RBM47: variants seen among roughly 807,000 people sequenced by gnomAD.
RBM47 encodes RNA binding motif protein 47.
RBM47 carries 21 observed loss-of-function variants against 47.1 expected under a neutral mutation model. The observed-to-expected ratio is 0.45, with a 90% CI of 0.32 to 0.64. The LOEUF is 0.64. Ranked by LOEUF, RBM47 falls within the 30% of genes least tolerant of loss-of-function variation. The pLI is 0.05. For synonymous variants in RBM47, 375 were observed against 361.7 expected (o/e 1.04, Z -0.42); for missense variants, 708 against 870.9 (o/e 0.81, Z 2.35).
intron 1 of RBM47, among the ~76,000 whole-genome samples, chr4:40,616,961 C>T (rs1477836256): frequency 6.7e-6 from 1 of 149,764 alleles, no homozygotes; most frequent in African/African-American, 2.5e-5. Context: ...CTGCAACCTC[C>T]GCCTCCCAGA....
At chr4:40,521,259 G>T (rs1726162379) in intron 2 of RBM47, among the ~76,000 whole-genome samples, 1 of 152,138 alleles carries the variant, frequency 6.6e-6, no homozygotes, top group Admixed American at 6.6e-5. Context: ...GGAGTGCAGT[G>T]GCACAATCTA....
intron 2 of RBM47, among the ~76,000 whole-genome samples, chr4:40,488,496 CTCATATCATCA>C (rs1721431641): frequency 6.6e-6 from 1 of 152,132 alleles, no homozygotes; most frequent in Non-Finnish European, 1.5e-5. Flanking sequence ...TTCATTTGTT[CTCATATCATCA>C]TTGTAATATG....
chr4:40,576,264 G>C (rs78274469), intron 1 of RBM47, among the ~76,000 whole-genome samples: 2 of 135,862 alleles, frequency 1.5e-5, no homozygotes, highest in South Asian at 2.3e-4. Context: ...TTTGGGGGGG[G>C]GCGGAGACAG....
intron 3 of RBM47, among the ~76,000 whole-genome samples, chr4:40,465,577 G>A (rs1156978367): frequency 3.3e-5 from 5 of 152,128 alleles, no homozygotes; most frequent in African/African-American, 1.2e-4. Flanking sequence ...TACTCGGGAG[G>A]CTGAAGCAGG....
At chr4:40,565,892 G>T (rs906278218) in intron 1 of RBM47, among the ~76,000 whole-genome samples, 15 of 152,000 alleles carry the variant, frequency 9.9e-5, no homozygotes, top group African/African-American at 3.1e-4. Context: ...AACATAGGGA[G>T]ACCCTGTCTC....
chr4:40,445,702 T>C (rs903606907), intron 3 of RBM47, among the ~76,000 whole-genome samples: 4 of 152,338 alleles, frequency 2.6e-5, no homozygotes, highest in Admixed American at 6.5e-5. Context: ...ATTGTTAACA[T>C]TCGTTTCTGA....
chr4:40,424,513 T>C lies in RBM47; in HGVS notation c.*1391A>G, dbSNP rs957897512. 24 of 152,612 alleles carry C rather than the reference T, an allele frequency of 1.6e-4. No individual in the cohort carries two copies. The highest frequency in any genetic ancestry group is 1.5e-3 in the Admixed American group (23 of 15,302). The allele number at this position is 152,612 out of a possible 1,614,324, so 9.5% of individuals were successfully genotyped here. On this transcript the variant is annotated 3_prime_UTR_variant, in exon 7 of 7. Transcript: ENST00000295971. ...TGGTTTCATTTTGCATTAAACTACA[T>C]ACCATGAACTTCTCCAACATAAAAG...
At chr4:40,555,098 G>A (rs1729950481) in intron 1 of RBM47, among the ~76,000 whole-genome samples, 1 of 152,144 alleles carries the variant, frequency 6.6e-6, no homozygotes, top group Non-Finnish European at 1.5e-5. Flanking sequence ...ACCATGCCCA[G>A]TTAATTTTTT....
chr4:40,556,748 A>G (rs1407113038), intron 1 of RBM47, among the ~76,000 whole-genome samples: 1 of 151,432 alleles, frequency 6.6e-6, no homozygotes, highest in Non-Finnish European at 1.5e-5. Context: ...AAATTCACCG[A>G]GTATGGTGGT....
intron 6 of RBM47, among the ~76,000 whole-genome samples, chr4:40,431,423 C>T (rs1226704533): frequency 6.6e-6 from 1 of 152,066 alleles, no homozygotes; most frequent in Non-Finnish European, 1.5e-5. Context: ...CTTTGGGAGG[C>T]CAAGGTGGGC....
intron 2 of RBM47, among the ~76,000 whole-genome samples, chr4:40,539,210 T>C (rs1219495365): frequency 2.0e-5 from 3 of 152,206 alleles, no homozygotes; most frequent in Admixed American, 2.0e-4. Context: ...AAAACTCGTT[T>C]TTAGAAGCTG....
chr4:40,550,593 G>C (rs6447187), intron 1 of RBM47, among the ~76,000 whole-genome samples: 1 of 151,946 alleles, frequency 6.6e-6, no homozygotes, highest in Admixed American at 6.6e-5. Flanking sequence ...TAATTTTTGT[G>C]TTTTTAGTAG....
intron 1 of RBM47, among the ~76,000 whole-genome samples, chr4:40,618,478 G>A (rs1230265256): frequency 6.6e-6 from 1 of 151,968 alleles, no homozygotes; most frequent in Non-Finnish European, 1.5e-5. Context: ...AGGCACTAGA[G>A]GTGTCTCCTG....
intron 1 of RBM47, among the ~76,000 whole-genome samples, chr4:40,556,442 AAGGTAGG>A (rs1235254303): frequency 1.3e-5 from 2 of 151,768 alleles, no homozygotes; most frequent in Admixed American, 1.3e-4. Flanking sequence ...TTGGGAGGCC[AAGGTAGG>A]AGGATCACGA....
At chr4:40,451,115 G>A (rs1715361235) in intron 3 of RBM47, among the ~76,000 whole-genome samples, 1 of 151,212 alleles carries the variant, frequency 6.6e-6, no homozygotes, top group African/African-American at 2.4e-5. Flanking sequence ...GTGAGGTTGA[G>A]GTGGGAGGAT....
At chr4:40,597,386 A>C (rs1171709181) in intron 1 of RBM47, among the ~76,000 whole-genome samples, 2 of 152,236 alleles carry the variant, frequency 1.3e-5, no homozygotes, top group Non-Finnish European at 2.9e-5. Context: ...ACTTGAGATC[A>C]GGAGTGTGAG....
chr4:40,608,538 G>A (rs958399997), intron 1 of RBM47, among the ~76,000 whole-genome samples: 2 of 152,132 alleles, frequency 1.3e-5, no homozygotes, highest in African/African-American at 4.8e-5. Flanking sequence ...AATCCATATC[G>A]AGTATTAAGA....
intron 1 of RBM47, among the ~76,000 whole-genome samples, chr4:40,610,067 G>C (rs1381454778): frequency 1.3e-5 from 2 of 151,904 alleles, no homozygotes; most frequent in African/African-American, 4.8e-5. Flanking sequence ...CTCCAGCCTG[G>C]GTGCCAAAAG....
chr4:40,509,543 T>C (rs1449051656), intron 2 of RBM47, among the ~76,000 whole-genome samples: 1 of 152,106 alleles, frequency 6.6e-6, no homozygotes, highest in African/African-American at 2.4e-5. Context: ...TTGAGACCAG[T>C]CTGGGCAACA....
Sources: allele counts gnomAD v4.1 joint callset (sites outside exome capture counted in the v4.1 genomes callset), GRCh38; gene constraint gnomAD v4.1.1; transcripts MANE v1.5; gene names NCBI Gene and HGNC (gene_info 2026-07-23, HGNC 2026-07-21).